Variants in TTLL9 observed in about 807,000 individuals in gnomAD.
TTLL9 encodes the protein tubulin tyrosine ligase like 9.
Under a neutral mutation model 65.6 loss-of-function variants are expected in TTLL9, and 47 were observed. The observed-to-expected ratio is 0.72, with a 90% CI of 0.57 to 0.91. The LOEUF (loss-of-function observed/expected upper bound fraction) is 0.91. Among genes scored for constraint, TTLL9 ranks in the 40% least tolerant of loss-of-function variants. TTLL9 has a pLI of 0.00. For missense variants in TTLL9, 537 were observed against 568.8 expected (o/e 0.94, Z 0.57); for synonymous variants, 179 against 204.8 (o/e 0.87, Z 1.07).
At chr20:31,916,044 C>T (rs535143355) in intron 6 of TTLL9, among the ~76,000 whole-genome samples, 13 of 152,276 alleles carry the variant, frequency 8.5e-5, no homozygotes, top group African/African-American at 2.9e-4. Flanking sequence ...CTAGCTGGCT[C>T]ACTGGCTGGG....
intron 14 of TTLL9, among the ~76,000 whole-genome samples, chr20:31,941,427 A>G (rs1384146761): frequency 2.0e-5 from 3 of 152,082 alleles, no homozygotes; most frequent in African/African-American, 7.2e-5. Flanking sequence ...TTGGCTGCCC[A>G]TTGGAATCAC....
chr20:31,879,845 CGGT>C, intron 2 of TTLL9: 1 of 1,549,926 alleles, frequency 6.5e-7, no homozygotes, highest in Non-Finnish European at 8.7e-7. Flanking sequence ...GCGAGGCGCG[CGGT>C]GGCGGTTTGG....
At chr20:31,935,120 T>C (rs1458960304) in intron 12 of TTLL9, among the ~76,000 whole-genome samples, 1 of 152,174 alleles carries the variant, frequency 6.6e-6, no homozygotes, top group East Asian at 1.9e-4. Flanking sequence ...TTTGGAGCAC[T>C]GAGGACCGAG....
intron 2 of TTLL9, chr20:31,884,235 TTA>T: frequency 2.7e-6 from 1 of 366,644 alleles, no homozygotes; most frequent in East Asian, 4.1e-5. Context: ...ATTTATTTAT[TTA>T]TTTTTTGAGA....
rs763023511 is a variant in TTLL9, at chr20:31,943,047, C to A, written c.*26C>A. The A allele has an allele frequency of 1.2e-6, 2 of 1,610,990 alleles. No homozygotes were observed. Among genetic ancestry groups the A allele is most frequent in the African/African-American group, 2.7e-5 (2 of 74,888 alleles). On this transcript the variant is annotated 3_prime_UTR_variant, in exon 15 of 15. Coordinates refer to ENST00000535842, the MANE Select transcript of TTLL9 (RefSeq NM_001008409.5). ...TCCCCAGCTGCCAGGAGGAAATCAG[C>A]CTTAGCAGGTGCCACCCAGGCCTCC...
intron 6 of TTLL9, among the ~76,000 whole-genome samples, chr20:31,911,903 G>C (rs1378185817): frequency 6.6e-6 from 1 of 151,152 alleles, no homozygotes; most frequent in East Asian, 2.0e-4. Context: ...GAGGCACCCT[G>C]TCTCGGGTGG....
chr20:31,870,911 G>A lies in TTLL9; in HGVS notation c.-44G>A. ...GACGGGGCTGGACTTTGATCGCCGA[G>A]GGCTCTCTGCTCTTCAGAGTCTGCT... On this transcript the variant is annotated 5_prime_UTR_variant, in exon 1 of 15. Transcript: ENST00000535842. This position sits in a 1 kb window ranked among gnomAD's most constrained non-coding sequence, Gnocchi z 6.6. The A allele has an allele frequency of 1.7e-6, 1 of 585,862 alleles. No homozygotes were observed. The highest frequency in any genetic ancestry group is 3.0e-6 in the Non-Finnish European group (1 of 329,108). The allele number at this position is 585,862 out of a possible 1,614,324, so 36.3% of individuals were successfully genotyped here. A position where few individuals can be genotyped will look rare whatever the true frequency, so the allele number is the denominator to read the frequency against.
intron 2 of TTLL9, among the ~76,000 whole-genome samples, chr20:31,878,332 T>C (rs2063065739): frequency 6.6e-6 from 1 of 152,276 alleles, no homozygotes; most frequent in Admixed American, 6.5e-5. Flanking sequence ...ACTAGCAGCA[T>C]CTTCCACACT....
Position 31,909,874 on chromosome 20 carries a change from T to C in TTLL9, c.456T>C (p.Phe152=), listed in dbSNP as rs1441375545. 3.1e-6 allele frequency: 5 copies of C among 1,613,742 alleles called. No individual in the cohort carries two copies. The highest frequency in any genetic ancestry group is 4.2e-6 in the Non-Finnish European group (5 of 1,179,950). Reference sequence around the variant, plus strand: ...AGATGCCTTGCGAGTACCACCTGTTTGTAGAGGAGTTTCGCAAAAACCCAG... The same window carrying C: ...AGATGCCTTGCGAGTACCACCTGTTCGTAGAGGAGTTTCGCAAAAACCCAG... ...TFEMPCEYHL[F]VEEFRKNPGI... is the part of the protein sequence containing the mutation. The change falls in exon 6 of 15, where the codon TTT becomes TTC. Residue 152 remains phenylalanine (F), a synonymous_variant. Coordinates refer to ENST00000535842, the MANE Select transcript of TTLL9 (RefSeq NM_001008409.5).
chr20:31,883,555 A>G (rs536456870), intron 2 of TTLL9, among the ~76,000 whole-genome samples: 65 of 152,210 alleles, frequency 4.3e-4, no homozygotes, highest in African/African-American at 1.1e-3. Context: ...ATAAAATGTT[A>G]CCATAAAGTT....
intron 2 of TTLL9, among the ~76,000 whole-genome samples, chr20:31,872,369 T>C (rs2062948783): frequency 6.6e-6 from 1 of 151,720 alleles, no homozygotes; most frequent in South Asian, 2.1e-4. Context: ...AGCAATATAC[T>C]AAAACCCCAT....
At chr20:31,942,726 A>G (rs1051132445) in intron 14 of TTLL9, among the ~76,000 whole-genome samples, 2 of 152,214 alleles carry the variant, frequency 1.3e-5, no homozygotes, top group African/African-American at 4.8e-5. Flanking sequence ...GGTGGGCAGT[A>G]GTATCCTGGT....
At chr20:31,890,083 T>TCTTTCCCTTCCTTCCTTCCTTCCTTC (rs2063274819) in intron 3 of TTLL9, among the ~76,000 whole-genome samples, 1 of 141,504 alleles carries the variant, frequency 7.1e-6, no homozygotes, top group Non-Finnish European at 1.5e-5. Context: ...TTTCTTGCTT[T>TCTTTCCCTTCCTTCCTTCCTTCCTTC]CTTGCTTTCT....
chr20:31,893,172 T>C (rs2123445413), intron 3 of TTLL9, among the ~76,000 whole-genome samples: 1 of 152,326 alleles, frequency 6.6e-6, no homozygotes, highest in Non-Finnish European at 1.5e-5. Flanking sequence ...ATATTTTAAG[T>C]AAAGTTTTAC....
intron 4 of TTLL9, among the ~76,000 whole-genome samples, chr20:31,905,477 C>T (rs1032161261): frequency 6.6e-6 from 1 of 152,166 alleles, no homozygotes; most frequent in Non-Finnish European, 1.5e-5. Context: ...GGAGAAGGAC[C>T]AGGCCCCAGA....
rs930681306 is a variant in TTLL9 at position 31,925,018 on chromosome 20, T to G, written c.674T>G (p.Phe225Cys). The change falls in exon 9 of 15, where the codon TTT becomes TGT. Residue 225 changes from phenylalanine to cysteine, a missense_variant. Transcript: ENST00000535842. ...ENPYLIGGRK[F>C]DLRVYVLVMS... ...TTTCCTTGCCTGACAGGCCGCAAGTTTGACCTGCGTGTCTATGTGCTGGTG... is the reference window on the plus strand; with the variant it reads ...TTTCCTTGCCTGACAGGCCGCAAGTGTGACCTGCGTGTCTATGTGCTGGTG... 2.5e-6 allele frequency: 4 copies of G among 1,614,084 alleles called. No homozygotes were observed. The highest frequency in any genetic ancestry group is 1.1e-5 in the South Asian group (1 of 91,094).
intron 14 of TTLL9, 118 bp from the exon 15 acceptor site, chr20:31,942,827 G>T: frequency 1.1e-6 from 1 of 923,704 alleles, no homozygotes; most frequent in Non-Finnish European, 1.7e-6. Context: ...TAAACCACAG[G>T]CTGTGTGTGG....
chr20:31,904,134 G>A (rs1187409961), intron 4 of TTLL9, among the ~76,000 whole-genome samples: 1 of 152,196 alleles, frequency 6.6e-6, no homozygotes, highest in African/African-American at 2.4e-5. Context: ...CCTTTTCAGT[G>A]GAACTCATCG....
chr20:31,925,615 G>A (rs973949968), intron 9 of TTLL9, among the ~76,000 whole-genome samples: 1 of 152,082 alleles, frequency 6.6e-6, no homozygotes, highest in Non-Finnish European at 1.5e-5. Flanking sequence ...GGATACAGGG[G>A]TGTCCAAGAC....
Sources: gnomAD v4.1 joint callset for allele counts (sites outside exome capture counted in the v4.1 genomes callset) on GRCh38, gnomAD v4.1.1 for gene constraint, Gnocchi (gnomAD v3.1) non-coding constraint, MANE v1.5 for transcripts, NCBI Gene and HGNC (gene_info 2026-07-23, HGNC 2026-07-21) for gene names.